Variants in DNAJC5B observed in about 807,000 individuals in gnomAD.
DNAJC5B encodes the protein dnaJ homolog subfamily C member 5B.
DNAJC5B carries 23 observed loss-of-function variants against 24.7 expected under a neutral mutation model. That is an observed-to-expected ratio of 0.93 (90% CI 0.67 to 1.32). The LOEUF (loss-of-function observed/expected upper bound fraction) is 1.32. Ranked by LOEUF, DNAJC5B falls within the 40% of genes most tolerant of loss-of-function variation. The probability of loss-of-function intolerance (pLI) is 0.00; values close to 1 mark genes in which losing one functional copy is unlikely to be tolerated. For synonymous variants in DNAJC5B, 101 were observed against 90.1 expected, an observed-to-expected ratio of 1.12 and a Z score of -0.68; for missense variants, 238 against 240.8, an observed-to-expected ratio of 0.99 and a Z score of 0.08.
chr8:66,034,319 C>T lies in DNAJC5B; in HGVS notation c.-141-9169C>T, dbSNP rs149782033. On this transcript the variant is annotated intron_variant, in intron 1 of 5. Transcript: ENST00000276570. ...CAGAGGGTGCTGGGTAGGGTTGCAG[C>T]CCCCTAGCACTGGAGACCCTGGGTC... 2.8e-4 allele frequency among the ~76,000 whole-genome samples: 42 copies of T among 151,844 alleles called. No individual in the cohort carries two copies. In the East Asian group the frequency reaches 7.7e-3, roughly 28 times the overall value.
intron 3 of DNAJC5B, among the ~76,000 whole-genome samples, chr8:66,071,441 CA>C (rs1807346660): frequency 6.6e-6 from 1 of 152,124 alleles, no homozygotes; most frequent in Non-Finnish European, 1.5e-5. Context: ...CCAACAGACA[CA>C]TGAAAAAATG....
chr8:66,040,181 G>T (rs779001835), intron 1 of DNAJC5B, among the ~76,000 whole-genome samples: 3 of 152,114 alleles, frequency 2.0e-5, no homozygotes, highest in African/African-American at 7.2e-5. Flanking sequence ...CATGAGGTCA[G>T]GAGATCGAGA....
intron 3 of DNAJC5B, among the ~76,000 whole-genome samples, chr8:66,053,936 CTT>C (rs60244347): frequency 6.5e-5 from 9 of 138,242 alleles, no homozygotes; most frequent in Admixed American, 1.4e-4. Flanking sequence ...GCCTACTACC[CTT>C]TTTTTTTTTT....
intron 1 of DNAJC5B, among the ~76,000 whole-genome samples, chr8:66,024,170 G>T (rs1586057506): frequency 6.6e-6 from 1 of 152,230 alleles, no homozygotes; most frequent in East Asian, 1.9e-4. Flanking sequence ...TTACATGCAG[G>T]TTGCCTTTAA....
Position 66,043,597 on chromosome 8 carries a change from G to C in DNAJC5B, c.-32G>C, listed in dbSNP as rs568438164. ...ATGGAAAGGAGCAGCTGTTTGCTTT[G>C]AAACGGTGGAACAGGTATGGAACAG... On this transcript the variant is annotated 5_prime_UTR_variant, in exon 2 of 6. The change abolishes the stop of an existing upstream ORF in the 5' untranslated region. Transcript: ENST00000276570. The C allele has an allele frequency of 3.9e-5, 6 of 152,336 alleles. No individual in the cohort carries two copies. Among genetic ancestry groups the C allele is most frequent in the African/African-American group, 1.4e-4 (6 of 41,560 alleles). The allele number at this position is 152,336 out of a possible 1,614,324, so 9.4% of individuals were successfully genotyped here.
chr8:66,015,234 T>C, the DNAJC5B span, among the ~76,000 whole-genome samples: 2 of 52,460 alleles, frequency 3.8e-5, no homozygotes, highest in Admixed American at 3.4e-4. Flanking sequence ...GTCTGTCTTC[T>C]AGCTGTAGCT....
intron 3 of DNAJC5B, among the ~76,000 whole-genome samples, chr8:66,070,279 G>A (rs1473973406): frequency 6.6e-6 from 1 of 152,188 alleles, no homozygotes; most frequent in African/African-American, 2.4e-5. Flanking sequence ...GTCTCTGTTT[G>A]CAGTTGACAT....
chr8:66,047,521 A>G (rs1217574841), intron 2 of DNAJC5B, among the ~76,000 whole-genome samples: 1 of 152,136 alleles, frequency 6.6e-6, no homozygotes, highest in Non-Finnish European at 1.5e-5. Context: ...AAACCGTTTT[A>G]TTTATCTTAC....
At chr8:66,016,176 G>T in the DNAJC5B span, among the ~76,000 whole-genome samples, 1 of 152,182 alleles carries the variant, frequency 6.6e-6, no homozygotes, top group Non-Finnish European at 1.5e-5. Context: ...AAGAGCAAAA[G>T]GGGCTAGTTT....
intron 3 of DNAJC5B, among the ~76,000 whole-genome samples, chr8:66,054,976 G>A (rs1806933040): frequency 6.6e-6 from 1 of 152,124 alleles, no homozygotes; most frequent in Admixed American, 6.5e-5. Flanking sequence ...GGAAAAAAGT[G>A]ACATCCAACT....
the DNAJC5B span, among the ~76,000 whole-genome samples, chr8:66,015,812 T>C: frequency 1.3e-4 from 20 of 152,210 alleles, no homozygotes; most frequent in Middle Eastern, 0.01. Flanking sequence ...TTTCTGAGTT[T>C]TTTGCGGAGG....
At chr8:66,041,785 G>A (rs890970756) in intron 1 of DNAJC5B, among the ~76,000 whole-genome samples, 10 of 152,142 alleles carry the variant, frequency 6.6e-5, no homozygotes, top group South Asian at 2.1e-4. Context: ...ACCTGGTTAC[G>A]TGGAATATGA....
At chr8:66,070,427 C>A (rs893308118) in intron 3 of DNAJC5B, among the ~76,000 whole-genome samples, 1 of 151,942 alleles carries the variant, frequency 6.6e-6, no homozygotes, top group African/African-American at 2.4e-5. Flanking sequence ...AGACAGAGAG[C>A]GAAATCATGA....
At chr8:66,085,475 A>C (rs998277487) in intron 5 of DNAJC5B, among the ~76,000 whole-genome samples, 1 of 152,006 alleles carries the variant, frequency 6.6e-6, no homozygotes, top group Non-Finnish European at 1.5e-5. Context: ...CGGGAGGCTG[A>C]GGCAGGAGAA....
intron 1 of DNAJC5B, among the ~76,000 whole-genome samples, chr8:66,035,153 G>A (rs1292931816): frequency 1.3e-5 from 2 of 152,194 alleles, no homozygotes; most frequent in Non-Finnish European, 2.9e-5. Flanking sequence ...AGGGAAATCA[G>A]CAAACATTAC....
chr8:66,044,787 C>T (rs1372856156), intron 2 of DNAJC5B, among the ~76,000 whole-genome samples: 2 of 152,000 alleles, frequency 1.3e-5, no homozygotes, highest in South Asian at 2.1e-4. Context: ...TGACTTTTCT[C>T]GACAAGATTT....
chr8:66,049,357 C>A (rs963183018), intron 2 of DNAJC5B, among the ~76,000 whole-genome samples: 7 of 152,230 alleles, frequency 4.6e-5, no homozygotes, highest in African/African-American at 1.4e-4. Flanking sequence ...TGATTCAGAA[C>A]AACTTCCAGT....
At chr8:66,023,910 T>C (rs1806195261) in intron 1 of DNAJC5B, among the ~76,000 whole-genome samples, 1 of 152,210 alleles carries the variant, frequency 6.6e-6, no homozygotes, top group Admixed American at 6.5e-5. Flanking sequence ...AGTCCCTGGG[T>C]GCAGGTAGTC....
rs901899840 is a variant in DNAJC5B, at chr8:66,023,890, G to A, written c.-142+2185G>A. Reference sequence around the variant, plus strand: ...GCATCCGTAATTAATCTGCAAGTTTGAGCCCAGGCAGTCCCTGGGTGCAGG... The same window carrying A: ...GCATCCGTAATTAATCTGCAAGTTTAAGCCCAGGCAGTCCCTGGGTGCAGG... On this transcript the variant is annotated intron_variant, in intron 1 of 5. Coordinates refer to ENST00000276570, the MANE Select transcript of DNAJC5B (RefSeq NM_033105.6). 4.4e-4 allele frequency among the ~76,000 whole-genome samples: 67 copies of A among 152,168 alleles called. 3 individuals are homozygous for A. The highest frequency in any genetic ancestry group is 1.5e-5 in the Non-Finnish European group (1 of 68,034).
Sources: allele counts gnomAD v4.1 joint callset (sites outside exome capture counted in the v4.1 genomes callset), GRCh38; gene constraint gnomAD v4.1.1; transcripts MANE v1.5; gene names NCBI Gene and HGNC (gene_info 2026-07-23, HGNC 2026-07-21).